TECTA: variants seen among roughly 807,000 people sequenced by gnomAD.
TECTA encodes tectorin alpha.
A neutral mutation model predicts 216.8 loss-of-function variants in TECTA; 128 were observed. The ratio of observed to expected loss-of-function variants is 0.59; its 90% CI spans 0.51 to 0.68. TECTA has a LOEUF of 0.68. TECTA is among the 30% of genes least tolerant of loss of function. TECTA has a pLI of 0.00. For synonymous variants in TECTA, 1,089 were observed against 1,117.1 expected (o/e 0.97, Z 0.50); for missense variants, 2,551 against 2,786.2 (o/e 0.92, Z 1.90).
chr11:121,177,386 T>G (rs1947178423), intron 20 of TECTA, among the ~76,000 whole-genome samples: 2 of 152,240 alleles, frequency 1.3e-5, no homozygotes, highest in Non-Finnish European at 1.5e-5. Flanking sequence ...TTAGTTTTCC[T>G]TCTAACAGAC....
intron 1 of TECTA, 103 bp from the exon 2 acceptor site, chr11:121,102,562 T>A: frequency 2.3e-6 from 2 of 866,894 alleles, no homozygotes; most frequent in Non-Finnish European, 3.9e-6. Flanking sequence ...ATTTGTTCTA[T>A]GACGGTTTTG....
intron 20 of TECTA, among the ~76,000 whole-genome samples, chr11:121,180,943 G>A (rs1173307831): frequency 6.6e-6 from 1 of 151,830 alleles, no homozygotes; most frequent in Non-Finnish European, 1.5e-5. Flanking sequence ...CGAAGCGGGT[G>A]GATCATGAGG....
chr11:121,177,207 G>A (rs189264585), intron 20 of TECTA, among the ~76,000 whole-genome samples: 9 of 152,206 alleles, frequency 5.9e-5, no homozygotes, highest in South Asian at 4.1e-4. Context: ...GCTTTGTTCC[G>A]TTGCTGGTGA....
At position 121,179,982 on chromosome 11, in the gene TECTA, T is replaced by A. The variant is rs1054948344; in HGVS notation, c.6000-7850T>A. On this transcript the variant is annotated intron_variant, in intron 20 of 23. Transcript: ENST00000392793. ...TTTTTGTTTGTTTGTTTGTTTTTTT[T>A]TTTTTTTAGCTGTTCAACCAGTCTG... 8.6e-5 allele frequency among the ~76,000 whole-genome samples: 13 copies of A among 151,846 alleles called. 1 individual carries two copies. The highest frequency in any genetic ancestry group is 3.1e-4 in the African/African-American group (13 of 41,498).
intron 15 of TECTA, 78 bp downstream of exon 15, chr11:121,160,499 T>C: frequency 1.3e-6 from 2 of 1,576,424 alleles, no homozygotes; most frequent in Non-Finnish European, 1.7e-6. Flanking sequence ...GAATGAGGAA[T>C]GCCTTTTCCT....
At chr11:121,117,354 T>G (rs940335726) in intron 6 of TECTA, among the ~76,000 whole-genome samples, 1 of 152,118 alleles carries the variant, frequency 6.6e-6, no homozygotes, top group African/African-American at 2.4e-5. Flanking sequence ...GCTGCCCAGT[T>G]CTCTTGACCC....
chr11:121,138,826 C>T (rs1208430170), intron 11 of TECTA, among the ~76,000 whole-genome samples: 1 of 152,246 alleles, frequency 6.6e-6, no homozygotes, highest in Non-Finnish European at 1.5e-5. Flanking sequence ...CCAGCAGCCT[C>T]TGCTTTAGCA....
chr11:121,151,045 C>A (rs1431384780), intron 12 of TECTA, among the ~76,000 whole-genome samples: 1 of 152,166 alleles, frequency 6.6e-6, no homozygotes, highest in Non-Finnish European at 1.5e-5. Flanking sequence ...CAAAAAAAGA[C>A]ATATAAATGG....
chr11:121,188,099 A>G, intron 21 of TECTA, 105 bp downstream of exon 21: 1 of 1,267,166 alleles, frequency 7.9e-7, no homozygotes. Context: ...AATCATCCAT[A>G]GATGCTTGGG....
rs142948530 is a variant in TECTA, at chr11:121,162,110, C to T, written c.5012C>T (p.Ser1671Leu). The T allele has an allele frequency of 7.2e-3, 11,640 of 1,614,188 alleles. 58 individuals are homozygous for T. The highest frequency in any genetic ancestry group is 8.4e-3 in the Non-Finnish European group (9,866 of 1,180,046). ...LAPSCNELQF[S>L]QYAAMCDNVH... ...CCCAGCTGCAACGAGCTGCAGTTCT[C>T]ACAGTATGCAGCCATGTGTGACAAT... The change falls in exon 16 of 24, where the codon TCA (serine) becomes TTA (leucine). Residue 1671 changes from serine (S) to leucine (L), a missense_variant. Physicochemically the swap from Ser to Leu is moderately radical, Grantham distance 145 (BLOSUM62 -2). Around this residue, in one of 3 missense-constraint regions of TECTA, gnomAD observed 2,375 missense variants for 2,563.9 expected, o/e 0.93. Coordinates refer to ENST00000392793, the MANE Select transcript of TECTA (RefSeq NM_005422.4).
At chr11:121,156,809 A>G (rs1946945906) in intron 13 of TECTA, among the ~76,000 whole-genome samples, 1 of 152,178 alleles carries the variant, frequency 6.6e-6, no homozygotes, top group Admixed American at 6.5e-5. Context: ...GATATTATTA[A>G]TATCTCCAAT....
rs547083464 is a variant in TECTA, at chr11:121,129,559, G to A, written c.2368-79G>A. On this transcript the variant is annotated intron_variant, in intron 9 of 23. Transcript: ENST00000392793. ...CAAAAGGCTAGCAATAGGGCAGACC[G>A]TGTCTTTATCCCACAGCCTAGGAAA... is the stretch of plus-strand genomic sequence containing the variant. 404 of 1,455,788 alleles carry A rather than the reference G, an allele frequency of 2.8e-4. 4 individuals are homozygous for A. In the African/African-American group the frequency reaches 3.6e-3, roughly 13 times the overall value. The allele number at this position is 1,455,788 out of a possible 1,614,324, so 90.2% of individuals were successfully genotyped here.
chr11:121,154,795 A>G (rs1377448450), intron 13 of TECTA, among the ~76,000 whole-genome samples: 1 of 152,224 alleles, frequency 6.6e-6, no homozygotes, highest in Non-Finnish European at 1.5e-5. Flanking sequence ...TTCCTAGCCT[A>G]GTGCCTGGCA....
Position 121,130,765 on chromosome 11 carries a change from G to A in TECTA, c.2941+554G>A, listed in dbSNP as rs571867645. On this transcript the variant is annotated intron_variant, in intron 10 of 23. Transcript: ENST00000392793. ...AAAACTTTCTGGGAAGACCTGATAC[G>A]TAACACCCTTGATTATCAGGGAAGC... Among the ~76,000 whole-genome samples, 7 of 152,270 alleles carry A rather than the reference G, an allele frequency of 4.6e-5. No individual in the cohort carries two copies. In the South Asian group the frequency reaches 1.2e-3, roughly 27 times the overall value.
Position 121,121,562 on chromosome 11 carries a change from G to A in TECTA, c.1203+2844G>A, listed in dbSNP as rs139646990. Reference sequence around the variant, plus strand: ...ATGACTCTATAGGGAGAGTGAAAGGGGGTGCAATGATCACTTATGCCAGAA... The same window carrying A: ...ATGACTCTATAGGGAGAGTGAAAGGAGGTGCAATGATCACTTATGCCAGAA... On this transcript the variant is annotated intron_variant, in intron 7 of 23. Transcript: ENST00000392793. 9.4e-3 allele frequency among the ~76,000 whole-genome samples: 1,426 copies of A among 152,196 alleles called. 80 individuals carry two copies. The highest frequency in any genetic ancestry group is 0.084 in the Admixed American group (1,290 of 15,286).
At chr11:121,186,110 A>G (rs1349847738) in intron 20 of TECTA, among the ~76,000 whole-genome samples, 2 of 115,512 alleles carry the variant, frequency 1.7e-5, no homozygotes, top group East Asian at 2.3e-4. Flanking sequence ...GAGTAGGGAA[A>G]GAAGATGTTC....
intron 21 of TECTA, among the ~76,000 whole-genome samples, chr11:121,188,610 C>T (rs549791790): frequency 6.6e-6 from 1 of 152,304 alleles, no homozygotes; most frequent in East Asian, 1.9e-4. Context: ...TCCACCTCCA[C>T]CACTTACGGG....
At position 121,127,630 on chromosome 11, in the gene TECTA, G is replaced by A. The variant is rs1289534362; in HGVS notation, c.1775-122G>A. ...ATACAACCTCAATTCTGTCTTCCCC[G>A]AGTGGCCGCTTGACCCTCACTCTAG... On this transcript the variant is annotated intron_variant, in intron 8 of 23. Coordinates refer to ENST00000392793, the MANE Select transcript of TECTA (RefSeq NM_005422.4). This position sits in a 1 kb window ranked among gnomAD's most constrained non-coding sequence, Gnocchi z 5.0. The A allele has an allele frequency of 4.5e-6, 5 of 1,114,374 alleles. No homozygotes were observed. The highest frequency in any genetic ancestry group is 6.8e-6 in the Non-Finnish European group (5 of 734,100). The allele number at this position is 1,114,374 out of a possible 1,614,324, so 69.0% of individuals were successfully genotyped here. A position where few individuals can be genotyped will look rare whatever the true frequency, so the allele number is the denominator to read the frequency against.
chr11:121,122,325 C>A (rs1946565727), intron 7 of TECTA, among the ~76,000 whole-genome samples: 1 of 152,164 alleles, frequency 6.6e-6, no homozygotes, highest in Admixed American at 6.5e-5. Context: ...GTGAACACAG[C>A]TGGAAGGTGC....
Sources: gnomAD v4.1 joint callset for allele counts (sites outside exome capture counted in the v4.1 genomes callset) on GRCh38, gnomAD v4.1.1 for gene constraint, gnomAD v4.1.1 regional missense constraint, Gnocchi (gnomAD v3.1) non-coding constraint, MANE v1.5 for transcripts, NCBI Gene and HGNC (gene_info 2026-07-23, HGNC 2026-07-21) for gene names.